Variants in APPL2 observed in about 807,000 individuals in gnomAD.
The protein encoded by APPL2 is adaptor protein, phosphotyrosine interacting with PH domain and leucine zipper 2.
In APPL2, 84 loss-of-function variants were observed where a neutral mutation model predicts 92.7. The ratio of observed to expected loss-of-function variants is 0.91; its 90% CI spans 0.76 to 1.09. APPL2 has a LOEUF of 1.09. Among genes scored for constraint, APPL2 ranks in the 50% least tolerant of loss-of-function variants. APPL2 has a pLI of 0.00. For missense variants in APPL2, 736 were observed against 824.5 expected, an observed-to-expected ratio of 0.89 and a Z score of 1.31; for synonymous variants, 291 against 291.0, an observed-to-expected ratio of 1.00 and a Z score of 0.00.
intron 17 of APPL2, among the ~76,000 whole-genome samples, chr12:105,178,709 T>A (rs1885797179): frequency 6.6e-6 from 1 of 152,218 alleles, no homozygotes; most frequent in Non-Finnish European, 1.5e-5. Context: ...TCTGTAAAAC[T>A]GTGGTAAGAA....
chr12:105,203,543 T>C lies in APPL2; in HGVS notation c.704+160A>G. 4.6e-6 allele frequency: 3 copies of C among 650,062 alleles called. No individual in the cohort carries two copies. The South Asian group carries it at 6.0e-5, about 13-fold the overall frequency. The allele number at this position is 650,062 out of a possible 1,614,324, so 40.3% of individuals were successfully genotyped here. On this transcript the variant is annotated intron_variant, in intron 9 of 20. Transcript: ENST00000258530. ...AATGTGCCCCAGATATTTATGAATA[T>C]TGGCAGCTAAGGCAAGGGCACTGTT...
chr12:105,192,647 T>G (rs547722065), intron 14 of APPL2, among the ~76,000 whole-genome samples: 139 of 152,328 alleles, frequency 9.1e-4, no homozygotes, highest in Non-Finnish European at 1.7e-3. Context: ...GCTTGAATAT[T>G]ATCTTCACAG....
chr12:105,231,198 C>G (rs1013936628), intron 1 of APPL2, among the ~76,000 whole-genome samples: 1 of 152,166 alleles, frequency 6.6e-6, no homozygotes, highest in African/African-American at 2.4e-5. Context: ...TGGATTGTGG[C>G]TAGTTTTTTC....
Position 105,229,242 on chromosome 12 carries a change from A to T in APPL2, c.55-19T>A, listed in dbSNP as rs746086857. 6.2e-7 allele frequency: 1 copy of T among 1,604,104 alleles called. No individual in the cohort carries two copies. The highest frequency in any genetic ancestry group is 1.3e-5 in the African/African-American group (1 of 74,746). On this transcript the variant is annotated intron_variant, in intron 1 of 20. Coordinates refer to ENST00000258530, the MANE Select transcript of APPL2 (RefSeq NM_018171.5). ...AGCGAGTCTGGAAGAAAAGAAGAAA[A>T]AAGGTCAATTTCATTTCTAAGTGGA...
At position 105,192,969 on chromosome 12, in the gene APPL2, C is replaced by G. The variant is rs76781323; in HGVS notation, c.1241+2292G>C. ...CACAATTTCTCTGATTCTTTCCCCC[C>G]CCACTGTCATCAAAACATTGCTTTA... On this transcript the variant is annotated intron_variant, in intron 14 of 20. Transcript: ENST00000258530. Among the ~76,000 whole-genome samples, 253 of 152,300 alleles carry G rather than the reference C, an allele frequency of 1.7e-3. 1 individual carries two copies. The highest frequency in any genetic ancestry group is 5.6e-3 in the African/African-American group (231 of 41,574).
At position 105,222,384 on chromosome 12, in the gene APPL2, T is replaced by C. The variant is rs577711568; in HGVS notation, c.154-4659A>G. ...TTGGAGAAGCTGAGATAAACAAGTG[T>C]CTGAGCCTGAGGCAGACAGTGCAGA... On this transcript the variant is annotated intron_variant, in intron 2 of 20. Transcript: ENST00000258530. Among the ~76,000 whole-genome samples, 7 of 152,090 alleles carry C rather than the reference T, an allele frequency of 4.6e-5. No individual in the cohort carries two copies. In the South Asian group the frequency reaches 1.5e-3, roughly 32 times the overall value.
chr12:105,216,272 G>A (rs1481303425), intron 4 of APPL2, among the ~76,000 whole-genome samples: 1 of 152,078 alleles, frequency 6.6e-6, no homozygotes, highest in Non-Finnish European at 1.5e-5. Context: ...CCAGCACTTT[G>A]GGAGGCTTAG....
At chr12:105,222,160 G>A (rs368897821) in intron 2 of APPL2, among the ~76,000 whole-genome samples, 27 of 152,296 alleles carry the variant, frequency 1.8e-4, no homozygotes, top group East Asian at 9.6e-4. Flanking sequence ...CGGCTGGAGC[G>A]TCTCATGCGA....
intron 16 of APPL2, 25 bp from the exon 17 acceptor site, chr12:105,188,472 G>C: frequency 6.2e-7 from 1 of 1,611,624 alleles, no homozygotes; most frequent in Non-Finnish European, 8.5e-7. Context: ...TTTCCACTCA[G>C]GATCTCATTT....
At chr12:105,175,521 A>T (rs1030081620) in intron 20 of APPL2, among the ~76,000 whole-genome samples, 1 of 152,232 alleles carries the variant, frequency 6.6e-6, no homozygotes, top group Non-Finnish European at 1.5e-5. Context: ...AGTTCTGTAC[A>T]TTGCTGAACT....
chr12:105,176,009 T>C (rs773099560), intron 20 of APPL2, 26 bp downstream of exon 20: 5 of 1,552,044 alleles, frequency 3.2e-6, no homozygotes, highest in South Asian at 1.3e-5. Flanking sequence ...GAGTAGCTAC[T>C]AAACCAGCGC....
In APPL2 at chr12:105,232,543, T is replaced by G. The variant is rs370160698; in HGVS notation, c.55-3320A>C. The stretch of plus-strand genomic sequence containing the variant: ...ACTTTGGGAGGCCAAGACAGGAAGA[T>G]TGGTTGAGCCCAGGAGTTCAAGACC... On this transcript the variant is annotated intron_variant, in intron 1 of 20. Transcript: ENST00000258530. 2.0e-5 allele frequency among the ~76,000 whole-genome samples: 3 copies of G among 152,180 alleles called. No individual in the cohort carries two copies. In the South Asian group the frequency reaches 6.2e-4, roughly 32 times the overall value.
Position 105,174,300 on chromosome 12 carries a change from C to G in APPL2, c.*14G>C, listed in dbSNP as rs754557345. 4 of 1,612,756 alleles carry G rather than the reference C, an allele frequency of 2.5e-6. No homozygotes were observed. The highest frequency in any genetic ancestry group is 1.1e-5 in the South Asian group (1 of 90,834). ...CTCCTTCCTGTTTGCTCTTCCCCCACAGGCGCAAGTGAGTTATGCTTCGGA... is the reference window on the plus strand; with the variant it reads ...CTCCTTCCTGTTTGCTCTTCCCCCAGAGGCGCAAGTGAGTTATGCTTCGGA... On this transcript the variant is annotated 3_prime_UTR_variant, in exon 21 of 21. Coordinates refer to ENST00000258530, the MANE Select transcript of APPL2 (RefSeq NM_018171.5).
intron 2 of APPL2, among the ~76,000 whole-genome samples, chr12:105,226,573 G>T (rs1427316454): frequency 6.6e-6 from 1 of 152,216 alleles, no homozygotes; most frequent in Non-Finnish European, 1.5e-5. Context: ...GACACCGAAA[G>T]GCAGAACAGA....
chr12:105,177,734 G>T (rs533889236), intron 17 of APPL2, among the ~76,000 whole-genome samples: 1 of 152,198 alleles, frequency 6.6e-6, no homozygotes, highest in South Asian at 2.1e-4. Flanking sequence ...TATCAATTTG[G>T]GTAAAAGAGG....
chr12:105,222,087 C>T (rs1402304069), intron 2 of APPL2, among the ~76,000 whole-genome samples: 5 of 152,190 alleles, frequency 3.3e-5, no homozygotes, highest in African/African-American at 1.2e-4. Context: ...ACGGGTCGCA[C>T]TAGTTCAGGA....
chr12:105,196,386 T>C (rs1887644808), intron 11 of APPL2, among the ~76,000 whole-genome samples: 1 of 149,184 alleles, frequency 6.7e-6, no homozygotes, highest in Admixed American at 6.7e-5. Flanking sequence ...GGGAATAAGG[T>C]AACAGTAATA....
chr12:105,175,163 CA>C (rs1885401543), intron 20 of APPL2, among the ~76,000 whole-genome samples: 1 of 152,198 alleles, frequency 6.6e-6, no homozygotes, highest in African/African-American at 2.4e-5. Context: ...GGATTACAGG[CA>C]TAAGCCACCA....
rs539809402 is a variant in APPL2, at chr12:105,216,791, C to G, written c.285+278G>C. Among the ~76,000 whole-genome samples the G allele has an allele frequency of 2.4e-4, 37 of 152,322 alleles. No individual in the cohort carries two copies. The South Asian group carries it at 7.5e-3, about 31-fold the overall frequency. On this transcript the variant is annotated intron_variant, in intron 4 of 20. Coordinates refer to ENST00000258530, the MANE Select transcript of APPL2 (RefSeq NM_018171.5). ...ATTCATGGTAATTTACTATGGCAAT[C>G]TGAGAAACTAATATACTCTCCTTTA... is the stretch of plus-strand genomic sequence containing the variant.
Sources: allele counts gnomAD v4.1 joint callset (sites outside exome capture counted in the v4.1 genomes callset), GRCh38; gene constraint gnomAD v4.1.1; transcripts MANE v1.5; gene names NCBI Gene and HGNC (gene_info 2026-07-23, HGNC 2026-07-21).